Variants in EDIL3 observed in about 807,000 individuals in gnomAD.
EDIL3 encodes the protein EGF-like repeat and discoidin I-like domain-containing protein 3.
A neutral mutation model predicts 67.4 loss-of-function variants in EDIL3; 37 were observed. The ratio of observed to expected loss-of-function variants is 0.55; its 90% confidence interval spans 0.42 to 0.72. The LOEUF is 0.72. Among genes scored for constraint, EDIL3 ranks in the 30% least tolerant of loss-of-function variants. The pLI is 0.00. For missense variants in EDIL3, 527 were observed against 586.3 expected, an observed-to-expected ratio of 0.90 and a Z score of 1.04; for synonymous variants, 195 against 196.3, an observed-to-expected ratio of 0.99 and a Z score of 0.05.
chr5:84,269,803 C>T (rs569704955), intron 1 of EDIL3, among the ~76,000 whole-genome samples: 3 of 152,152 alleles, frequency 2.0e-5, no homozygotes, highest in East Asian at 1.9e-4. Context: ...AGAGGCATAT[C>T]AGTAGACACT....
chr5:84,196,315 T>C (rs1016101102), intron 3 of EDIL3, among the ~76,000 whole-genome samples: 6 of 152,008 alleles, frequency 3.9e-5, no homozygotes, highest in African/African-American at 2.4e-5. Context: ...TGAGATGCTC[T>C]TCCTCTAACT....
chr5:84,271,311 G>A (rs1421666454), intron 1 of EDIL3, among the ~76,000 whole-genome samples: 3 of 151,982 alleles, frequency 2.0e-5, no homozygotes, highest in Non-Finnish European at 2.9e-5. Context: ...CTACTCGGGA[G>A]ACTGAGGCAG....
chr5:83,982,068 C>T (rs1744979198), intron 9 of EDIL3, among the ~76,000 whole-genome samples: 1 of 152,006 alleles, frequency 6.6e-6, no homozygotes, highest in Admixed American at 6.6e-5. Context: ...CCCATCAATG[C>T]TATCATGTTC....
intron 4 of EDIL3, among the ~76,000 whole-genome samples, chr5:84,158,687 A>G (rs907351704): frequency 1.3e-5 from 2 of 152,076 alleles, no homozygotes; most frequent in African/African-American, 4.8e-5. Context: ...AAAATAGAAG[A>G]ACACATAAAT....
intron 6 of EDIL3, among the ~76,000 whole-genome samples, chr5:84,086,293 G>T (rs1471462192): frequency 1.3e-5 from 2 of 152,236 alleles, no homozygotes; most frequent in African/African-American, 2.4e-5. Context: ...CTCTGGTGGT[G>T]TAGGCTCATG....
At chr5:84,117,767 G>C (rs2112295527) in intron 5 of EDIL3, among the ~76,000 whole-genome samples, 1 of 151,810 alleles carries the variant, frequency 6.6e-6, no homozygotes, top group African/African-American at 2.4e-5. Flanking sequence ...TTCTTCAGAA[G>C]CTTTCATCCT....
chr5:84,293,720 G>C (rs1056674414), intron 1 of EDIL3, among the ~76,000 whole-genome samples: 1 of 151,574 alleles, frequency 6.6e-6, no homozygotes, highest in Non-Finnish European at 1.5e-5. Flanking sequence ...TGGGAGGCTG[G>C]GGGAGGGGGG....
intron 1 of EDIL3, among the ~76,000 whole-genome samples, chr5:84,263,764 G>A (rs959674287): frequency 6.6e-6 from 1 of 152,158 alleles, no homozygotes; most frequent in Non-Finnish European, 1.5e-5. Context: ...TGATGATGTA[G>A]GTGCTGATAG....
chr5:84,345,837 A>G (rs1580091436), intron 1 of EDIL3, among the ~76,000 whole-genome samples: 1 of 152,218 alleles, frequency 6.6e-6, no homozygotes, highest in Non-Finnish European at 1.5e-5. Flanking sequence ...CATGCTAGCA[A>G]AAACTAATTC....
chr5:84,213,333 T>C (rs1436711458), intron 3 of EDIL3, among the ~76,000 whole-genome samples: 1 of 152,210 alleles, frequency 6.6e-6, no homozygotes, highest in East Asian at 1.9e-4. Flanking sequence ...TTATTTTAGT[T>C]TTGTTTTTCT....
chr5:84,312,448 T>A (rs1367863206), intron 1 of EDIL3, among the ~76,000 whole-genome samples: 1 of 129,250 alleles, frequency 7.7e-6, no homozygotes, highest in East Asian at 2.5e-4. Flanking sequence ...CACTTCCCAG[T>A]AGGGGCGGCC....
chr5:84,106,205 T>G (rs1439421864), intron 6 of EDIL3, among the ~76,000 whole-genome samples: 1 of 152,086 alleles, frequency 6.6e-6, no homozygotes, highest in East Asian at 1.9e-4. Context: ...CACCCTCAGC[T>G]TGAAAGAAGG....
chr5:84,228,339 ACAC>A (rs1180623335), intron 3 of EDIL3, among the ~76,000 whole-genome samples: 1 of 152,116 alleles, frequency 6.6e-6, no homozygotes, highest in Non-Finnish European at 1.5e-5. Context: ...TAGAAAAAAT[ACAC>A]CACAATAGAC....
At chr5:84,121,866 T>C (rs1334882345) in intron 5 of EDIL3, among the ~76,000 whole-genome samples, 3 of 152,054 alleles carry the variant, frequency 2.0e-5, no homozygotes, top group Non-Finnish European at 4.4e-5. Context: ...GGCATTTATG[T>C]ATTTAAGAAT....
At chr5:84,371,319 G>GTATATATATATA (rs71607709) in intron 1 of EDIL3, among the ~76,000 whole-genome samples, 4,867 of 115,152 alleles carry the variant, frequency 0.042, 144 homozygotes, top group Middle Eastern at 0.064. Context: ...TAGATAAAAA[G>GTATATATATATA]TATATATATA....
chr5:84,075,821 C>A (rs542041606), intron 6 of EDIL3, among the ~76,000 whole-genome samples: 2 of 151,682 alleles, frequency 1.3e-5, no homozygotes, highest in Admixed American at 1.3e-4. Context: ...CATATGGTCT[C>A]GGTACTTTTT....
At chr5:84,382,217 A>C (rs2112226518) in intron 1 of EDIL3, among the ~76,000 whole-genome samples, 1 of 152,334 alleles carries the variant, frequency 6.6e-6, no homozygotes, top group East Asian at 1.9e-4. Context: ...CTCCTGAAGA[A>C]TATGGAGCAT....
intron 1 of EDIL3, among the ~76,000 whole-genome samples, chr5:84,285,361 A>G (rs1016148190): frequency 5.3e-5 from 8 of 152,234 alleles, no homozygotes; most frequent in African/African-American, 1.9e-4. Context: ...TTCAAATGCT[A>G]CTTTGCCTAC....
intron 2 of EDIL3, among the ~76,000 whole-genome samples, chr5:84,252,354 C>A (rs893574173): frequency 3.3e-5 from 5 of 151,578 alleles, no homozygotes; most frequent in African/African-American, 1.2e-4. Flanking sequence ...ATTAGCCGGG[C>A]GTGGCGGCAG....
Sources: gnomAD v4.1 joint callset for allele counts (sites outside exome capture counted in the v4.1 genomes callset) on GRCh38, gnomAD v4.1.1 for gene constraint, MANE v1.5 for transcripts, NCBI Gene and HGNC (gene_info 2026-07-23, HGNC 2026-07-21) for gene names.